SIRPG: variants seen among roughly 807,000 people sequenced by gnomAD.
The protein encoded by SIRPG is signal-regulatory protein gamma.
A neutral mutation model predicts 35.7 loss-of-function variants in SIRPG; 38 were observed. The observed-to-expected ratio is 1.06, with a 90% CI of 0.82 to 1.40. The LOEUF is 1.40. SIRPG is among the 40% of genes most tolerant of loss of function. The pLI is 0.00. For synonymous variants in SIRPG, 215 were observed against 190.4 expected, an observed-to-expected ratio of 1.13 and a Z score of -1.06; for missense variants, 519 against 483.0, an observed-to-expected ratio of 1.07 and a Z score of -0.70.
At chr20:1,653,119 A>G (rs1292557409) in intron 1 of SIRPG, among the ~76,000 whole-genome samples, 1 of 152,190 alleles carries the variant, frequency 6.6e-6, no homozygotes, top group African/African-American at 2.4e-5. Context: ...TTCACACCAC[A>G]TTGCCCACTC....
chr20:1,646,370 C>A (rs1479586548), intron 2 of SIRPG: 1 of 152,462 alleles, frequency 6.6e-6, no homozygotes, highest in East Asian at 1.9e-4. Flanking sequence ...CCCCACGCAC[C>A]CCGTAGGAAA....
At chr20:1,657,905 G>C (rs1568742014), upstream of SIRPG, 4 of 539,680 alleles carry the variant, frequency 7.4e-6, no homozygotes, top group Non-Finnish European at 1.3e-5. Flanking sequence ...AAAGCAAGGA[G>C]TTAATCGTGC....
the SIRPG span, chr20:1,670,918 G>C: frequency 3.0e-6 from 1 of 329,084 alleles, no homozygotes; most frequent in Non-Finnish European, 6.1e-6. Context: ...CCCACAAAGA[G>C]GGTCCCCCTG....
intron 4 of SIRPG, among the ~76,000 whole-genome samples, chr20:1,634,827 A>T (rs956965475): frequency 1.6e-4 from 25 of 151,710 alleles, no homozygotes; most frequent in Non-Finnish European, 3.2e-4. Flanking sequence ...GCGGATCACG[A>T]GGTCAGGAGA....
At position 1,636,136 on chromosome 20, in the gene SIRPG, A is replaced by G. The variant is rs116023146; in HGVS notation, c.748+52T>C. On this transcript the variant is annotated intron_variant, in intron 3 of 5. Transcript: ENST00000303415. ...TGGAGCAACAGCCTGGGGAGAGGGG[A>G]GTGGGCTTGACAGCCAGGTGTGGGC... 2.4e-3 allele frequency: 3,897 copies of G among 1,611,588 alleles called. 90 individuals carry two copies. In the African/African-American group the frequency reaches 0.047, roughly 19 times the overall value.
At chr20:1,639,441 A>G (rs1466451257) in intron 2 of SIRPG, among the ~76,000 whole-genome samples, 1 of 152,124 alleles carries the variant, frequency 6.6e-6, no homozygotes, top group Non-Finnish European at 1.5e-5. Flanking sequence ...GTGTGTTCAT[A>G]TACTTTGCAT....
At chr20:1,632,743 C>T (rs1472875018) in intron 4 of SIRPG, among the ~76,000 whole-genome samples, 1 of 152,044 alleles carries the variant, frequency 6.6e-6, no homozygotes, top group Non-Finnish European at 1.5e-5. Flanking sequence ...ACCTGGGACC[C>T]ATCCCCCAAC....
intron 1 of SIRPG, among the ~76,000 whole-genome samples, chr20:1,651,723 GT>G (rs11434811): frequency 1.3e-4 from 20 of 148,654 alleles, no homozygotes; most frequent in South Asian, 4.3e-4. Context: ...ATTTGAGAAG[GT>G]TTTTTTTTTG....
the SIRPG span, among the ~76,000 whole-genome samples, chr20:1,677,798 A>C: frequency 6.6e-6 from 1 of 152,208 alleles, no homozygotes; most frequent in African/African-American, 2.4e-5. Context: ...GATACAGGTC[A>C]AAAAATACAA....
At chr20:1,650,338 A>T (rs539539826) in intron 1 of SIRPG, among the ~76,000 whole-genome samples, 79 of 152,278 alleles carry the variant, frequency 5.2e-4, no homozygotes, top group Middle Eastern at 3.4e-3. Flanking sequence ...AGTAAAGGAA[A>T]AAATGGACAA....
the SIRPG span, among the ~76,000 whole-genome samples, chr20:1,663,598 G>T: frequency 0.033 from 5,083 of 152,288 alleles, 128 homozygotes; most frequent in Middle Eastern, 0.058. Context: ...ATTGACAAGC[G>T]CTATAAATCG....
chr20:1,669,393 T>A, the SIRPG span, among the ~76,000 whole-genome samples: 5 of 152,214 alleles, frequency 3.3e-5, no homozygotes, highest in African/African-American at 4.8e-5. Flanking sequence ...TGCAGAGGGA[T>A]GTTGCGGTTA....
chr20:1,674,200 C>T, the SIRPG span, among the ~76,000 whole-genome samples: 11 of 149,034 alleles, frequency 7.4e-5, no homozygotes, highest in African/African-American at 2.7e-4. Context: ...TAGGAGGGAG[C>T]CTTGGGCTGG....
the SIRPG span, among the ~76,000 whole-genome samples, chr20:1,678,815 G>C: frequency 6.6e-6 from 1 of 151,968 alleles, no homozygotes; most frequent in Non-Finnish European, 1.5e-5. Context: ...TTAAAGTCAA[G>C]GAAAGAATTC....
At chr20:1,672,620 C>T in the SIRPG span, among the ~76,000 whole-genome samples, 6 of 152,192 alleles carry the variant, frequency 3.9e-5, no homozygotes, top group Admixed American at 3.9e-4. Flanking sequence ...ATCCCCTATA[C>T]AAAACCTTTC....
Position 1,630,315 on chromosome 20 carries a change from C to G in SIRPG, c.1082-9G>C. 1 of 1,552,848 alleles carries G rather than the reference C, an allele frequency of 6.4e-7. No homozygotes were observed. The highest frequency in any genetic ancestry group is 8.7e-7 in the Non-Finnish European group (1 of 1,147,200). Reference sequence around the variant, plus strand: ...AAGGGATGATGCCGGGCCTGGAAATCAGGGAAGACGAGGGGCTATGAGAGA... The same window carrying G: ...AAGGGATGATGCCGGGCCTGGAAATGAGGGAAGACGAGGGGCTATGAGAGA... On this transcript the variant is annotated splice_polypyrimidine_tract_variant and intron_variant, in intron 4 of 5. Transcript: ENST00000303415.
intron 4 of SIRPG, among the ~76,000 whole-genome samples, chr20:1,634,926 C>T (rs2091782413): frequency 1.3e-5 from 2 of 151,544 alleles, no homozygotes; most frequent in South Asian, 4.2e-4. Flanking sequence ...GCCTGTAGTC[C>T]CAGCTACTCG....
chr20:1,654,663 A>G (rs1219431546), intron 1 of SIRPG, among the ~76,000 whole-genome samples: 2 of 152,206 alleles, frequency 1.3e-5, no homozygotes, highest in African/African-American at 2.4e-5. Flanking sequence ...ACAGGCAACA[A>G]AAGCAAAAAT....
intron 4 of SIRPG, among the ~76,000 whole-genome samples, chr20:1,632,905 CA>C (rs1275786639): frequency 6.6e-6 from 1 of 151,532 alleles, no homozygotes; most frequent in African/African-American, 2.4e-5. Context: ...AAGAAGAGTG[CA>C]AAAAATGAAT....
Sources: allele counts gnomAD v4.1 joint callset (sites outside exome capture counted in the v4.1 genomes callset), GRCh38; gene constraint gnomAD v4.1.1; transcripts MANE v1.5; gene names NCBI Gene and HGNC (gene_info 2026-07-23, HGNC 2026-07-21).